The following UPRT variants were observed in gnomAD, a reference collection of about 807,000 sequenced individuals.
UPRT encodes the protein uracil phosphoribosyltransferase homolog.
Under a neutral mutation model 22.6 loss-of-function variants are expected in UPRT, and 5 were observed. The observed-to-expected ratio is 0.22, with a 90% CI of 0.12 to 0.47. The LOEUF (loss-of-function observed/expected upper bound fraction) is 0.47. Ranked by LOEUF, UPRT falls within the 20% of genes least tolerant of loss-of-function variation. The pLI is 0.99. For synonymous variants in UPRT, 77 were observed against 87.7 expected, an observed-to-expected ratio of 0.88 and a Z score of 0.68; for missense variants, 181 against 239.9, an observed-to-expected ratio of 0.75 and a Z score of 1.62.
intron 1 of UPRT, among the ~76,000 whole-genome samples, chrX:75,286,609 T>C (rs2082682286): frequency 8.9e-6 from 1 of 112,014 alleles, no homozygotes; most frequent in African/African-American, 3.2e-5. Flanking sequence ...TAAAAACTTT[T>C]CCCTCTTCAG....
At chrX:75,234,623 T>C (rs981078915) in intron 4 of UPRT, among the ~76,000 whole-genome samples, 1 of 111,231 alleles carries the variant, frequency 9.0e-6, no homozygotes, top group Non-Finnish European at 1.9e-5. Flanking sequence ...GAACTCAGGA[T>C]TAAGAAACTC....
intron 4 of UPRT, among the ~76,000 whole-genome samples, chrX:75,172,205 G>C (rs2082230211): frequency 9.0e-6 from 1 of 111,121 alleles, no homozygotes; most frequent in African/African-American, 3.3e-5. Flanking sequence ...ACCATTAGGT[G>C]GGGGCAGGGT....
At chrX:75,216,475 T>C (rs1034341677) in intron 4 of UPRT, among the ~76,000 whole-genome samples, 3 of 112,547 alleles carry the variant, frequency 2.7e-5, no homozygotes, top group African/African-American at 9.7e-5. Flanking sequence ...GATAATTCTC[T>C]GAAGTCTACT....
intron 4 of UPRT, among the ~76,000 whole-genome samples, chrX:75,210,684 AG>A (rs1450005595): frequency 2.3e-5 from 2 of 88,365 alleles, no homozygotes; most frequent in African/African-American, 8.6e-5. Context: ...GGACCGAGGG[AG>A]GGGGATTGTT....
At chrX:75,256,983 G>C (rs1337105310) in intron 4 of UPRT, among the ~76,000 whole-genome samples, 1 of 111,793 alleles carries the variant, frequency 8.9e-6, no homozygotes, top group African/African-American at 3.2e-5. Flanking sequence ...TATTCCACAA[G>C]ATAGAGAAAG....
intron 4 of UPRT, among the ~76,000 whole-genome samples, chrX:75,178,530 G>C (rs1329615158): frequency 9.0e-6 from 1 of 111,731 alleles, no homozygotes; most frequent in African/African-American, 3.3e-5. Flanking sequence ...GAGTGTTACA[G>C]CTCTTAAGAT....
intron 1 of UPRT, among the ~76,000 whole-genome samples, chrX:75,286,579 G>A (rs1430624517): frequency 9.0e-6 from 1 of 111,672 alleles, no homozygotes; most frequent in African/African-American, 3.3e-5. Flanking sequence ...ACCTTAGTAC[G>A]TATTTTACAA....
chrX:75,183,455 C>G (rs1602442365), intron 4 of UPRT, among the ~76,000 whole-genome samples: 1 of 111,958 alleles, frequency 8.9e-6, no homozygotes, highest in East Asian at 2.8e-4. Flanking sequence ...CAAGTCTTCG[C>G]TATTGTGAAT....
chrX:75,165,747 G>A (rs1166236024), intron 3 of UPRT, among the ~76,000 whole-genome samples: 1 of 111,594 alleles, frequency 9.0e-6, no homozygotes, highest in Non-Finnish European at 1.9e-5. Context: ...ATTGTTTTCT[G>A]TTTTTTAAGA....
chrX:75,242,015 C>G (rs953943739), intron 4 of UPRT, among the ~76,000 whole-genome samples: 8 of 109,791 alleles, frequency 7.3e-5, no homozygotes, highest in African/African-American at 2.6e-4. Flanking sequence ...AGAAATCATA[C>G]CTAAAGAATT....
chrX:75,287,761 G>A (rs2147695902), intron 1 of UPRT, among the ~76,000 whole-genome samples: 1 of 111,023 alleles, frequency 9.0e-6, no homozygotes, highest in Admixed American at 9.6e-5. Flanking sequence ...CACACCTAGA[G>A]GAACTAGAAA....
chrX:75,280,446 TATAAG>T (rs2082650760), intron 1 of UPRT, among the ~76,000 whole-genome samples: 1 of 112,383 alleles, frequency 8.9e-6, no homozygotes, highest in Admixed American at 9.4e-5. Context: ...TTGATTTTTG[TATAAG>T]GTGAGAGATG....
chrX:75,164,047 A>G (rs1440235841), intron 3 of UPRT, among the ~76,000 whole-genome samples: 1 of 111,332 alleles, frequency 9.0e-6, no homozygotes, highest in African/African-American at 3.3e-5. Flanking sequence ...GTGTGGTGGC[A>G]CATGCTTTAA....
intron 2 of UPRT, among the ~76,000 whole-genome samples, chrX:75,294,005 A>G (rs2082717344): frequency 9.0e-6 from 1 of 110,904 alleles, no homozygotes; most frequent in Non-Finnish European, 1.9e-5. Flanking sequence ...TGGTTTCCTC[A>G]GGCACTTCCT....
intron 4 of UPRT, among the ~76,000 whole-genome samples, chrX:75,299,058 G>A (rs2082735680): frequency 8.9e-6 from 1 of 112,796 alleles, no homozygotes; most frequent in African/African-American, 3.2e-5. Context: ...ATTCTGATAT[G>A]GCCTAAAATC....
At chrX:75,264,921 A>T (rs1334080735) in intron 4 of UPRT, among the ~76,000 whole-genome samples, 1 of 111,584 alleles carries the variant, frequency 9.0e-6, no homozygotes, top group African/African-American at 3.3e-5. Flanking sequence ...AAAGGATTTT[A>T]TTTCTCCTTC....
chrX:75,230,206 C>A (rs1173367800), intron 4 of UPRT, among the ~76,000 whole-genome samples: 1 of 111,288 alleles, frequency 9.0e-6, no homozygotes, highest in East Asian at 2.8e-4. Flanking sequence ...GGGAACATAA[C>A]TCCATTGGCC....
intron 1 of UPRT, among the ~76,000 whole-genome samples, chrX:75,289,124 A>G (rs930622867): frequency 9.0e-6 from 1 of 111,065 alleles, no homozygotes; most frequent in African/African-American, 3.3e-5. Flanking sequence ...CAGGAGGATC[A>G]CTTGAGCTGA....
At chrX:75,200,906 C>T (rs948371618) in intron 4 of UPRT, among the ~76,000 whole-genome samples, 8 of 111,836 alleles carry the variant, frequency 7.2e-5, no homozygotes, top group East Asian at 2.8e-4. Context: ...ATGATCATTC[C>T]GCTGCACTCC....
Sources: allele counts gnomAD v4.1 joint callset (sites outside exome capture counted in the v4.1 genomes callset), GRCh38; gene constraint gnomAD v4.1.1; transcripts MANE v1.5; gene names NCBI Gene and HGNC (gene_info 2026-07-23, HGNC 2026-07-21).